The following OR2T11 variants were observed in gnomAD, a reference collection of about 807,000 sequenced individuals.
OR2T11 encodes olfactory receptor 2T11.
Under a neutral mutation model 13.5 loss-of-function variants are expected in OR2T11, and 14 were observed. The ratio of observed to expected loss-of-function variants is 1.04; its 90% CI spans 0.69 to 1.62. OR2T11 has a LOEUF of 1.62. Among genes scored for constraint, OR2T11 ranks in the 40% most tolerant of loss-of-function variants. The pLI, the probability that OR2T11 is intolerant of heterozygous loss-of-function variation, is 0.00. For missense variants in OR2T11, 410 were observed against 389.7 expected (o/e 1.05, Z -0.44); for synonymous variants, 163 against 154.6 (o/e 1.05, Z -0.40).
In OR2T11 at chr1:248,629,129, A is replaced by G. The variant is rs910102150; in HGVS notation, c.-144-1857T>C. 2.1e-5 allele frequency among the ~76,000 whole-genome samples: 3 copies of G among 143,418 alleles called. 1 individual carries two copies. Among genetic ancestry groups the G allele is most frequent in the Admixed American group, 2.0e-4 (3 of 14,700 alleles). The allele number at this position is 143,418 out of a possible 152,430, so 94.1% of individuals were successfully genotyped here. ...ATGTATAAAACAGTAAAAACAGGCC[A>G]GGTGTGGTGGTTCATGCCTGTAACC... is the stretch of plus-strand genomic sequence containing the variant. On this transcript the variant is annotated intron_variant, in intron 1 of 1. Coordinates refer to ENST00000641193, the MANE Select transcript of OR2T11 (RefSeq NM_001001964.2).
chr1:248,623,805 T>C lies in OR2T11; in HGVS notation c.*2373A>G, dbSNP rs1313488439. The C allele has an allele frequency of 7.0e-6, 1 of 142,730 alleles. No individual in the cohort carries two copies. The highest frequency in any genetic ancestry group is 1.5e-5 in the Non-Finnish European group (1 of 66,184). The allele number at this position is 142,730 out of a possible 1,614,324, so 8.8% of individuals were successfully genotyped here. ...CATCCCGAACACACATCATGAATCG[T>C]CTGACAAATGTGCTGTGCTAAATTC... On this transcript the variant is annotated 3_prime_UTR_variant, in exon 2 of 2. Coordinates refer to ENST00000641193, the MANE Select transcript of OR2T11 (RefSeq NM_001001964.2).
chr1:248,623,949 G>A lies in OR2T11; in HGVS notation c.*2229C>T, dbSNP rs1310894398. On this transcript the variant is annotated 3_prime_UTR_variant, in exon 2 of 2. Coordinates refer to ENST00000641193, the MANE Select transcript of OR2T11 (RefSeq NM_001001964.2). ...TCTCTTCTCCTCTCAAACTTTTGAC[G>A]GGACCACCCTGATCTTTACTCATAG... is the stretch of plus-strand genomic sequence containing the variant. The A allele has an allele frequency of 2.9e-5, 4 of 140,222 alleles. No homozygotes were observed. Among genetic ancestry groups the A allele is most frequent in the African/African-American group, 8.6e-5 (3 of 35,076 alleles). 8.7% of individuals were successfully genotyped at this position (140,222 alleles called of 1,614,324 possible). A position where few individuals can be genotyped will look rare whatever the true frequency, so the allele number is the denominator to read the frequency against.
chr1:248,623,727 G>A lies in OR2T11; in HGVS notation c.*2451C>T, dbSNP rs1660474563. On this transcript the variant is annotated 3_prime_UTR_variant, in exon 2 of 2. Transcript: ENST00000641193. ...CAGTTGCTGCTGTTATTTTGTCCTT[G>A]TTTTTAACATAATTCTAGTTAACAT... 7.0e-6 allele frequency: 1 copy of A among 143,030 alleles called. No homozygotes were observed. The highest frequency in any genetic ancestry group is 6.8e-5 in the Admixed American group (1 of 14,680). The allele number at this position is 143,030 out of a possible 1,614,324, so 8.9% of individuals were successfully genotyped here. A position where few individuals can be genotyped will look rare whatever the true frequency, so the allele number is the denominator to read the frequency against.
In OR2T11 at chr1:248,625,621, G is replaced by A. The variant is rs115874413; in HGVS notation, c.*557C>T. The A allele has an allele frequency of 1.2e-3, 182 of 146,058 alleles. 46 individuals carry two copies. The highest frequency in any genetic ancestry group is 4.8e-3 in the African/African-American group (176 of 36,700). The allele number at this position is 146,058 out of a possible 1,614,324, so 9.0% of individuals were successfully genotyped here. On this transcript the variant is annotated 3_prime_UTR_variant, in exon 2 of 2. Coordinates refer to ENST00000641193, the MANE Select transcript of OR2T11 (RefSeq NM_001001964.2). ...GTTCAATTCACCACCATTTATTGTG[G>A]CCTAGTATTTGATAGCTGCTGTCTG...
In OR2T11 at chr1:248,633,515, AATT is replaced by A. The variant is rs549759621; in HGVS notation, c.-145+1520_-145+1522del. Reference sequence around the variant, plus strand: ...TGCAAGCATCCCTGCCTTGGGCCAAAATTATATTATCCTTTCTCCCTTTCAAGT... The same window carrying A: ...TGCAAGCATCCCTGCCTTGGGCCAAAATATTATCCTTTCTCCCTTTCAAGT... On this transcript the variant is annotated intron_variant, in intron 1 of 1. Transcript: ENST00000641193. 6.4e-5 allele frequency among the ~76,000 whole-genome samples: 9 copies of A among 141,316 alleles called. No homozygotes were observed. The South Asian group carries it at 2.0e-3, about 32-fold the overall frequency. The allele number at this position is 141,316 out of a possible 152,430, so 92.7% of individuals were successfully genotyped here.
intron 1 of OR2T11, among the ~76,000 whole-genome samples, chr1:248,632,019 G>T (rs1292288934): frequency 7.0e-6 from 1 of 143,846 alleles, no homozygotes; most frequent in African/African-American, 2.7e-5. Flanking sequence ...CTAGCATAAA[G>T]AAAATACAAA....
rs1183693616 is a variant in OR2T11, at chr1:248,626,673, A to T, written c.456T>A (p.Asp152Glu). The part of the protein sequence containing the change: ...AAGAWFGGSL[D>E]GFLLTPITMN... The stretch of plus-strand genomic sequence containing the variant: ...TGGTGATGGGAGTGAGCAGAAAGCC[A>T]TCGAGGGAGCCCCCAAACCAGGCAC... Residue 152 changes from aspartate (D) to glutamate (E), a missense_variant, in exon 2 of 2, where the codon GAT (aspartate) becomes GAA (glutamate). Coordinates refer to ENST00000641193, the MANE Select transcript of OR2T11 (RefSeq NM_001001964.2). The T allele has an allele frequency of 1.3e-6, 2 of 1,573,236 alleles. No individual in the cohort carries two copies. Among genetic ancestry groups the T allele is most frequent in the Non-Finnish European group, 1.7e-6 (2 of 1,156,786 alleles).
Position 248,624,311 on chromosome 1 carries a change from AT to A in OR2T11, c.*1866del, listed in dbSNP as rs773058328. The A allele has an allele frequency of 4.2e-5, 6 of 142,556 alleles. 2 individuals are homozygous for A. Among genetic ancestry groups the A allele is most frequent in the Non-Finnish European group, 7.5e-5 (5 of 66,280 alleles). 8.8% of individuals were successfully genotyped at this position (142,556 alleles called of 1,614,324 possible). On this transcript the variant is annotated 3_prime_UTR_variant, in exon 2 of 2. Transcript: ENST00000641193. ...TATACTCCATTTCCTTTACAAAAAA[AT>A]CTAAAAATTCATACTCAACTTACCT...
In OR2T11 at chr1:248,626,448, A is replaced by C; in HGVS notation, c.681T>G (p.Ser227=). 1.3e-6 allele frequency: 2 copies of C among 1,572,696 alleles called. 1 individual carries two copies. The highest frequency in any genetic ancestry group is 1.7e-6 in the Non-Finnish European group (2 of 1,156,358). The part of the protein sequence containing the change: ...LILLTIHRMP[S]AEGRKKAFTT... ...TGAAGGCCTTTTTGCGACCTTCAGC[A>C]GAGGGCATGCGGTGGATGGTTAACA... Residue 227 remains serine (S), a synonymous_variant, in exon 2 of 2, where the codon TCT becomes TCG. Coordinates refer to ENST00000641193, the MANE Select transcript of OR2T11 (RefSeq NM_001001964.2).
rs546241536 is a variant in OR2T11 at position 248,632,512 on chromosome 1, G to A, written c.-145+2526C>T. On this transcript the variant is annotated intron_variant, in intron 1 of 1. Coordinates refer to ENST00000641193, the MANE Select transcript of OR2T11 (RefSeq NM_001001964.2). ...CAGGAGAGTCTCCCTGCTGTGGATT[G>A]GGGACAGTTGAGGGACCATTTCTGA... Among the ~76,000 whole-genome samples, 24 of 137,394 alleles carry A rather than the reference G, an allele frequency of 1.7e-4. 5 individuals carry two copies. Among genetic ancestry groups the A allele is most frequent in the Admixed American group, 1.4e-3 (20 of 14,054 alleles). The allele number at this position is 137,394 out of a possible 152,430, so 90.1% of individuals were successfully genotyped here.
chr1:248,630,753 G>A (rs57957093), intron 1 of OR2T11, among the ~76,000 whole-genome samples: 5,633 of 143,500 alleles, frequency 0.039, 1,363 homozygotes, highest in African/African-American at 0.15. Context: ...CATGTGGGCA[G>A]AATCATCTTC....
At chr1:248,630,056 T>C (rs1660582670) in intron 1 of OR2T11, among the ~76,000 whole-genome samples, 1 of 143,018 alleles carries the variant, frequency 7.0e-6, no homozygotes, top group African/African-American at 2.8e-5. Context: ...GACTGGCACA[T>C]TGTAAATCTT....
chr1:248,634,388 A>G (rs1660657593), intron 1 of OR2T11, among the ~76,000 whole-genome samples: 2 of 141,976 alleles, frequency 1.4e-5, no homozygotes, highest in South Asian at 4.4e-4. Context: ...AAACCAAAGG[A>G]ATGTAGTCAA....
At chr1:248,634,573 G>T (rs1331240189) in intron 1 of OR2T11, among the ~76,000 whole-genome samples, 1 of 140,650 alleles carries the variant, frequency 7.1e-6, no homozygotes, top group East Asian at 2.1e-4. Flanking sequence ...TTTATCATTT[G>T]TGTGTGAATC....
chr1:248,626,463 G>T lies in OR2T11; in HGVS notation c.666C>A (p.Ile222=). The T allele has an allele frequency of 6.4e-7, 1 of 1,572,978 alleles. No homozygotes were observed. The highest frequency in any genetic ancestry group is 8.6e-7 in the Non-Finnish European group (1 of 1,156,696). Residue 222 remains isoleucine (I), a synonymous_variant, in exon 2 of 2, where the codon ATC becomes ATA. Transcript: ENST00000641193. The part of the protein sequence containing the change: ...STSYSLILLT[I]HRMPSAEGRK... The stretch of plus-strand genomic sequence containing the variant: ...GACCTTCAGCAGAGGGCATGCGGTG[G>T]ATGGTTAACAAGATGAGGGAGTAGG...
At chr1:248,628,835 G>T (rs1660563257) in intron 1 of OR2T11, among the ~76,000 whole-genome samples, 1 of 142,572 alleles carries the variant, frequency 7.0e-6, no homozygotes, top group South Asian at 2.2e-4. Context: ...CCTCTGTCAG[G>T]CCTCCCAGAA....
In OR2T11 at chr1:248,626,140, A is replaced by C; in HGVS notation, c.*38T>G. On this transcript the variant is annotated 3_prime_UTR_variant, in exon 2 of 2. Coordinates refer to ENST00000641193, the MANE Select transcript of OR2T11 (RefSeq NM_001001964.2). ...TCCAGGGAAACAGGGCAAATGGAGG[A>C]AGTCCTTAGGAAGCCTTATCCTCTG... 8.7e-7 allele frequency: 1 copy of C among 1,145,278 alleles called. No homozygotes were observed. Among genetic ancestry groups the C allele is most frequent in the Non-Finnish European group, 1.3e-6 (1 of 781,232 alleles). 70.9% of individuals were successfully genotyped at this position (1,145,278 alleles called of 1,614,324 possible).
rs1660479338 is a variant in OR2T11 at position 248,624,010 on chromosome 1, C to G, written c.*2168G>C. 7.1e-6 allele frequency: 1 copy of G among 141,480 alleles called. No individual in the cohort carries two copies. Among genetic ancestry groups the G allele is most frequent in the African/African-American group, 2.8e-5 (1 of 35,500 alleles). 8.8% of individuals were successfully genotyped at this position (141,480 alleles called of 1,614,324 possible). ...TGATTCTAACTGCACCGAGAAGATA[C>G]AAACCATCGGAAGGGATCTTAGTTA... On this transcript the variant is annotated 3_prime_UTR_variant, in exon 2 of 2. Coordinates refer to ENST00000641193, the MANE Select transcript of OR2T11 (RefSeq NM_001001964.2).
chr1:248,624,328 C>CAA lies in OR2T11; in HGVS notation c.*1848_*1849dup, dbSNP rs1488735478. ...ACAAAAAAATCTAAAAATTCATACT[C>CAA]AACTTACCTTATCCACTTCCTCCCC... On this transcript the variant is annotated 3_prime_UTR_variant, in exon 2 of 2. Transcript: ENST00000641193. The CAA allele has an allele frequency of 7.1e-6, 1 of 141,358 alleles. No homozygotes were observed. The highest frequency in any genetic ancestry group is 1.5e-5 in the Non-Finnish European group (1 of 66,222). 8.8% of individuals were successfully genotyped at this position (141,358 alleles called of 1,614,324 possible). A position where few individuals can be genotyped will look rare whatever the true frequency, so the allele number is the denominator to read the frequency against.
Sources: allele counts gnomAD v4.1 joint callset (sites outside exome capture counted in the v4.1 genomes callset), GRCh38; gene constraint gnomAD v4.1.1; transcripts MANE v1.5; gene names NCBI Gene and HGNC (gene_info 2026-07-23, HGNC 2026-07-21).